Variants in FAM13A observed in about 807,000 individuals in gnomAD.
FAM13A encodes the protein protein FAM13A.
FAM13A carries 76 observed loss-of-function variants against 129.6 expected under a neutral mutation model. The ratio of observed to expected loss-of-function variants is 0.59; its 90% CI spans 0.49 to 0.71. The LOEUF is 0.71. Ranked by LOEUF, FAM13A falls within the 30% of genes least tolerant of loss-of-function variation. The pLI, the probability that FAM13A is intolerant of heterozygous loss-of-function variation, is 0.00. For synonymous variants in FAM13A, 443 were observed against 449.9 expected (o/e 0.98, Z 0.20); for missense variants, 1,108 against 1,249.3 (o/e 0.89, Z 1.70).
intron 19 of FAM13A, among the ~76,000 whole-genome samples, chr4:88,742,210 C>T (rs760910389): frequency 9.2e-5 from 14 of 152,168 alleles, no homozygotes; most frequent in Non-Finnish European, 1.5e-4. Context: ...GTAAAACCAA[C>T]CAGTTGTGAC....
At chr4:88,866,523 C>A (rs1175045507) in intron 6 of FAM13A, among the ~76,000 whole-genome samples, 1 of 152,086 alleles carries the variant, frequency 6.6e-6, no homozygotes, top group Non-Finnish European at 1.5e-5. Context: ...CAACCTTGCA[C>A]ATAAAATTTG....
At chr4:88,754,401 ACT>A (rs1279354886) in intron 14 of FAM13A, among the ~76,000 whole-genome samples, 1 of 152,100 alleles carries the variant, frequency 6.6e-6, no homozygotes, top group Non-Finnish European at 1.5e-5. Context: ...GGGACAAGCT[ACT>A]CTCTGCTTAG....
chr4:89,056,924 A>C lies in FAM13A; in HGVS notation c.27+14T>G, dbSNP rs376699348. On this transcript the variant is annotated intron_variant, in intron 1 of 23. Transcript: ENST00000264344. ...GGCAGTAAACACAGAAGACAGAAGA[A>C]GGCCTATACTTACACAGATGGCTAG... The C allele has an allele frequency of 5.0e-6, 8 of 1,611,340 alleles. No individual in the cohort carries two copies. The highest frequency in any genetic ancestry group is 3.3e-5 in the South Asian group (3 of 90,494).
intron 4 of FAM13A, among the ~76,000 whole-genome samples, chr4:88,953,701 C>T (rs1757303647): frequency 6.6e-6 from 1 of 152,086 alleles, no homozygotes; most frequent in Admixed American, 6.5e-5. Context: ...TTTTAGGTAC[C>T]TCATATAAGT....
At chr4:88,956,337 A>T (rs1757750503) in intron 4 of FAM13A, among the ~76,000 whole-genome samples, 2 of 152,242 alleles carry the variant, frequency 1.3e-5, no homozygotes, top group Non-Finnish European at 2.9e-5. Flanking sequence ...GTACAGTAAC[A>T]TGCTGCACAT....
intron 6 of FAM13A, among the ~76,000 whole-genome samples, chr4:88,879,442 C>G (rs1743163050): frequency 6.6e-6 from 1 of 152,084 alleles, no homozygotes; most frequent in Non-Finnish European, 1.5e-5. Flanking sequence ...TATGCACAAT[C>G]TTGGTTAAGT....
chr4:88,930,481 A>G (rs1355411667), intron 5 of FAM13A, among the ~76,000 whole-genome samples: 3 of 152,122 alleles, frequency 2.0e-5, no homozygotes, highest in Non-Finnish European at 4.4e-5. Context: ...GTGATTTCCT[A>G]GGTGGCTTAG....
intron 4 of FAM13A, among the ~76,000 whole-genome samples, chr4:88,986,022 G>C (rs555750949): frequency 6.6e-6 from 1 of 152,056 alleles, no homozygotes; most frequent in East Asian, 1.9e-4. Flanking sequence ...TGAAGGATAA[G>C]CCAGAAACTA....
chr4:88,926,123 C>G (rs1254801069), intron 5 of FAM13A, among the ~76,000 whole-genome samples: 3 of 152,136 alleles, frequency 2.0e-5, no homozygotes, highest in Non-Finnish European at 4.4e-5. Flanking sequence ...TAGGGGAGAG[C>G]TCGGGCAACA....
chr4:88,969,321 A>T (rs1759763825), intron 4 of FAM13A, among the ~76,000 whole-genome samples: 1 of 152,220 alleles, frequency 6.6e-6, no homozygotes, highest in Admixed American at 6.5e-5. Flanking sequence ...TCAGTGGCAA[A>T]GATGGGACTG....
At chr4:88,808,975 T>C (rs1363651374) in intron 7 of FAM13A, among the ~76,000 whole-genome samples, 2 of 152,158 alleles carry the variant, frequency 1.3e-5, no homozygotes, top group Non-Finnish European at 2.9e-5. Flanking sequence ...TAGATATTTT[T>C]ATCTACGTTT....
intron 3 of FAM13A, among the ~76,000 whole-genome samples, chr4:89,005,445 G>T (rs1165945224): frequency 2.0e-5 from 3 of 152,116 alleles, no homozygotes; most frequent in African/African-American, 7.2e-5. Flanking sequence ...AATGAGATTT[G>T]CTGGGTTGAA....
intron 5 of FAM13A, among the ~76,000 whole-genome samples, chr4:88,920,323 C>A (rs1242575942): frequency 1.3e-5 from 2 of 152,154 alleles, no homozygotes; most frequent in Non-Finnish European, 2.9e-5. Context: ...ACTGACACCT[C>A]ACACGGCCGG....
chr4:88,743,606 C>A (rs566522631), intron 19 of FAM13A, among the ~76,000 whole-genome samples: 1 of 152,024 alleles, frequency 6.6e-6, no homozygotes, highest in Non-Finnish European at 1.5e-5. Flanking sequence ...GATCTTTAAC[C>A]GTGATGATTT....
At chr4:88,950,153 G>T (rs1202796213) in intron 4 of FAM13A, among the ~76,000 whole-genome samples, 2 of 151,168 alleles carry the variant, frequency 1.3e-5, no homozygotes, top group Admixed American at 6.6e-5. Flanking sequence ...AAAGTAGGAA[G>T]TAATTATTAT....
At chr4:88,821,043 G>A (rs1187770861) in intron 7 of FAM13A, among the ~76,000 whole-genome samples, 1 of 152,248 alleles carries the variant, frequency 6.6e-6, no homozygotes, top group South Asian at 2.1e-4. Context: ...GGGAGAGTCC[G>A]CAATAGTCAT....
chr4:89,037,635 G>A (rs528927132), intron 1 of FAM13A, among the ~76,000 whole-genome samples: 1 of 152,272 alleles, frequency 6.6e-6, no homozygotes, highest in Admixed American at 6.5e-5. Flanking sequence ...GATTTAAGAA[G>A]GGCCAGGGAC....
At position 88,905,417 on chromosome 4, in the gene FAM13A, T is replaced by G. The variant is rs780214114; in HGVS notation, c.843+962A>C. Among the ~76,000 whole-genome samples the G allele has an allele frequency of 1.4e-4, 22 of 152,148 alleles. 1 individual carries two copies. The highest frequency in any genetic ancestry group is 7.3e-5 in the Non-Finnish European group (5 of 68,040). On this transcript the variant is annotated intron_variant, in intron 6 of 23. Coordinates refer to ENST00000264344, the MANE Select transcript of FAM13A (RefSeq NM_014883.4). ...CTTTTTATATATTTCTTTTCAAAAT[T>G]TTTTATTTTACGTTTGGGGGTACAT...
intron 6 of FAM13A, among the ~76,000 whole-genome samples, chr4:88,858,598 G>A (rs1204829895): frequency 6.6e-6 from 1 of 152,192 alleles, no homozygotes; most frequent in Non-Finnish European, 1.5e-5. Flanking sequence ...GAGCATAGAT[G>A]AATCCTGAAA....
Sources: allele counts gnomAD v4.1 joint callset (sites outside exome capture counted in the v4.1 genomes callset), GRCh38; gene constraint gnomAD v4.1.1; transcripts MANE v1.5; gene names NCBI Gene and HGNC (gene_info 2026-07-23, HGNC 2026-07-21).